C4orf50: variants seen among roughly 807,000 people sequenced by gnomAD.
The protein encoded by C4orf50 is uncharacterized protein C4orf50.
In C4orf50, 80 loss-of-function variants were observed where a neutral mutation model predicts 77.2. The ratio of observed to expected loss-of-function variants is 1.04; its 90% CI spans 0.87 to 1.25. The LOEUF (loss-of-function observed/expected upper bound fraction) is 1.25, where lower values mean the gene tolerates loss of function less well. Among genes scored for constraint, C4orf50 ranks in the 50% most tolerant of loss-of-function variants. The probability of loss-of-function intolerance (pLI) is 0.00; values close to 1 mark genes in which losing one functional copy is unlikely to be tolerated. For missense variants in C4orf50, 1,257 were observed against 1,152.9 expected (o/e 1.09, Z -1.31); for synonymous variants, 532 against 465.3 (o/e 1.14, Z -1.84).
At chr4:5,980,414 C>A in intron 28 of C4orf50, 76 bp from the exon 7 acceptor site, 2 of 1,319,284 alleles carry the variant, frequency 1.5e-6, no homozygotes, top group Non-Finnish European at 1.0e-6. Flanking sequence ...AAACGGTACC[C>A]GTTTCCCCAC....
intron 23 of C4orf50, among the ~76,000 whole-genome samples, chr4:6,012,956 C>T (rs1300446032): frequency 6.6e-6 from 1 of 152,228 alleles, no homozygotes; most frequent in Non-Finnish European, 1.5e-5. Context: ...CAAGTCCACG[C>T]TGGGCACCTG....
At chr4:5,982,013 G>A (rs571506582) in intron 28 of C4orf50, among the ~76,000 whole-genome samples, 1 of 152,144 alleles carries the variant, frequency 6.6e-6, no homozygotes, top group Non-Finnish European at 1.5e-5. Flanking sequence ...AGGGCTGCTG[G>A]GGCATCTCTC....
chr4:5,979,347 A>G (rs1720446804), intron 29 of C4orf50, among the ~76,000 whole-genome samples: 1 of 152,256 alleles, frequency 6.6e-6, no homozygotes, highest in South Asian at 2.1e-4. Context: ...TGATGACATA[A>G]TACACACGAT....
chr4:5,988,407 C>T (rs200579300), exon 28 of C4orf50: 8 of 1,612,850 alleles, frequency 5.0e-6, no homozygotes, highest in Non-Finnish European at 6.8e-6. Context: ...ACCTGGGCCT[C>T]TTCTCCTCTT....
rs931325046 is a variant in C4orf50, at chr4:6,008,252, G to T, written c.707C>A (p.Ala236Glu). 2.3e-5 allele frequency: 9 copies of T among 394,350 alleles called. No homozygotes were observed. In the South Asian group the frequency reaches 8.9e-4, roughly 39 times the overall value. The allele number at this position is 394,350 out of a possible 1,614,324, so 24.4% of individuals were successfully genotyped here. The change falls in exon 25 of 34, where the codon GCG becomes GAG. Residue 236 changes from alanine (A) to glutamate (E), a missense_variant. Coordinates refer to ENST00000531445, the Ensembl canonical transcript of C4orf50. The surrounding 1 kb of genome is among the most constrained non-coding windows in gnomAD (Gnocchi z 6.0). Reference sequence around the variant, plus strand: ...CTGCAGGGCGCGCAGTTCCGCAGCCGCCTCGGTGGCGCCCTGGGAGCCTGG... The same window carrying T: ...CTGCAGGGCGCGCAGTTCCGCAGCCTCCTCGGTGGCGCCCTGGGAGCCTGG...
At chr4:5,912,980 T>G (rs922009190) in intron 7 of C4orf50, among the ~76,000 whole-genome samples, 1 of 152,214 alleles carries the variant, frequency 6.6e-6, no homozygotes, top group Non-Finnish European at 1.5e-5. Context: ...ATGAAAGGCG[T>G]GCTCACAGGG....
rs181154518 is a variant in C4orf50, at chr4:6,011,286, T to C, written c.426+544A>G. On this transcript the variant is annotated intron_variant, in intron 24 of 33. Coordinates refer to ENST00000531445, the Ensembl canonical transcript of C4orf50. The surrounding 1 kb of genome is among the most constrained non-coding windows in gnomAD (Gnocchi z 4.2). ...CTCTGGAACTTTCCGACTCACCCAC[T>C]CCGTCCCCAGCACGGTGATATCCTC... 6.6e-6 allele frequency among the ~76,000 whole-genome samples: 1 copy of C among 152,074 alleles called. No homozygotes were observed. Among genetic ancestry groups the C allele is most frequent in the Admixed American group, 6.6e-5 (1 of 15,266 alleles).
rs146275531 is a variant in C4orf50 at position 5,996,096 on chromosome 4, C to T, written c.964-1620G>A. Among the ~76,000 whole-genome samples, 1,413 of 152,352 alleles carry T rather than the reference C, an allele frequency of 9.3e-3. 14 individuals are homozygous for T. Among genetic ancestry groups the T allele is most frequent in the African/African-American group, 0.032 (1,338 of 41,580 alleles). On this transcript the variant is annotated intron_variant, in intron 25 of 33. Coordinates refer to ENST00000531445, the Ensembl canonical transcript of C4orf50. ...GGTGCCCATCTATGGGCTGTCATTGCTGCCTGGGCACCTTGTTCCCACCTC... is the reference window on the plus strand; with the variant it reads ...GGTGCCCATCTATGGGCTGTCATTGTTGCCTGGGCACCTTGTTCCCACCTC...
intron 32 of C4orf50, among the ~76,000 whole-genome samples, chr4:5,966,270 G>A (rs943882503): frequency 3.3e-5 from 5 of 152,280 alleles, no homozygotes; most frequent in South Asian, 2.1e-4. Context: ...GAGGTCAGGA[G>A]TTCAAGACCA....
chr4:5,898,870 T>C (rs1402017688), intron 7 of C4orf50: 3 of 152,250 alleles, frequency 2.0e-5, no homozygotes, highest in Non-Finnish European at 2.9e-5. Context: ...AACTCATTTT[T>C]GAGCTATCAA....
intron 7 of C4orf50, among the ~76,000 whole-genome samples, chr4:5,939,705 C>T (rs1718181370): frequency 6.6e-6 from 1 of 152,182 alleles, no homozygotes; most frequent in African/African-American, 2.4e-5. Context: ...TAATTTGTCT[C>T]TCCATCCCCA....
chr4:5,936,562 C>CAAAAAAAAAAAAAA (rs374200584), intron 7 of C4orf50, among the ~76,000 whole-genome samples: 8 of 75,420 alleles, frequency 1.1e-4, no homozygotes, highest in African/African-American at 3.2e-4. Flanking sequence ...GACGCCATCT[C>CAAAAAAAAAAAAAA]AAAAAAAAAA....
At chr4:5,925,473 G>A (rs181942296) in intron 7 of C4orf50, among the ~76,000 whole-genome samples, 23 of 152,340 alleles carry the variant, frequency 1.5e-4, no homozygotes, top group Admixed American at 5.2e-4. Context: ...CCTCAGGACC[G>A]ATGGTCACCC....
intron 7 of C4orf50, among the ~76,000 whole-genome samples, chr4:5,937,048 C>A (rs1339788081): frequency 1.3e-5 from 2 of 151,530 alleles, no homozygotes; most frequent in Non-Finnish European, 1.5e-5. Context: ...TAATGACATT[C>A]TCAGGCAAAG....
rs567007372 is a variant in C4orf50, at chr4:5,970,026, C to G, written c.4105-2564G>C. 6.6e-6 allele frequency among the ~76,000 whole-genome samples: 1 copy of G among 152,044 alleles called. No individual in the cohort carries two copies. Among genetic ancestry groups the G allele is most frequent in the Admixed American group, 6.5e-5 (1 of 15,268 alleles). On this transcript the variant is annotated intron_variant, in intron 31 of 33. Transcript: ENST00000531445. This position sits in a 1 kb window ranked among gnomAD's most constrained non-coding sequence, Gnocchi z 4.3. Reference sequence around the variant, plus strand: ...CCCTCTTCTCCTCTCCTTTGGTACCCGGGCCTCTGCCTCCAAGGTCTCAGG... The same window carrying G: ...CCCTCTTCTCCTCTCCTTTGGTACCGGGGCCTCTGCCTCCAAGGTCTCAGG...
In C4orf50 at chr4:6,007,395, C is replaced by G. The variant is rs1577996680; in HGVS notation, c.963+601G>C. On this transcript the variant is annotated intron_variant, in intron 25 of 33. Transcript: ENST00000531445. This position sits in a 1 kb window ranked among gnomAD's most constrained non-coding sequence, Gnocchi z 4.1. ...CCTTACTAATTAGTACCCCAGAAGG[C>G]TCCCTCTCCCTCCTGCCCTGTGAGG... Among the ~76,000 whole-genome samples the G allele has an allele frequency of 6.6e-6, 1 of 152,098 alleles. No homozygotes were observed. The highest frequency in any genetic ancestry group is 1.9e-4 in the East Asian group (1 of 5,184).
Position 5,963,000 on chromosome 4 carries a change from C to CTT in C4orf50, c.4275+2022_4275+2023dup, listed in dbSNP as rs370272649. On this transcript the variant is annotated intron_variant, in intron 33 of 33. Transcript: ENST00000531445. ...AATATTTTCTTCTTTTTTTTCTTTT[C>CTT]TTTTTTTTTTTTTTTTTTTGAGATG... Among the ~76,000 whole-genome samples, 325 of 146,018 alleles carry CTT rather than the reference C, an allele frequency of 2.2e-3. 4 individuals carry two copies. The highest frequency in any genetic ancestry group is 7.4e-3 in the African/African-American group (292 of 39,434).
chr4:5,973,753 C>T (rs750027086), exon 31 of C4orf50: 8 of 1,613,994 alleles, frequency 5.0e-6, no homozygotes, highest in Non-Finnish European at 6.8e-6. Flanking sequence ...CAGGAGGTTC[C>T]CCAGCCCATG....
intron 32 of C4orf50, 44 bp from the exon 11 acceptor site, chr4:5,965,189 G>C: frequency 6.3e-7 from 1 of 1,594,400 alleles, no homozygotes; most frequent in Non-Finnish European, 8.6e-7. Context: ...CAGGAACCTA[G>C]GTGAAAAGTC....
Sources: allele counts gnomAD v4.1 joint callset (sites outside exome capture counted in the v4.1 genomes callset), GRCh38; gene constraint gnomAD v4.1.1; non-coding constraint Gnocchi (gnomAD v3.1); transcripts MANE v1.5; gene names NCBI Gene and HGNC (gene_info 2026-07-23, HGNC 2026-07-21).